LDAH: variants seen among roughly 807,000 people sequenced by gnomAD.
LDAH encodes the protein lipid droplet-associated hydrolase.
Under a neutral mutation model 29.6 loss-of-function variants are expected in LDAH, and 26 were observed. That is an observed-to-expected ratio of 0.88 (90% CI 0.64 to 1.22). The LOEUF (loss-of-function observed/expected upper bound fraction) is 1.22. LDAH is among the 50% of genes most tolerant of loss of function. LDAH has a pLI of 0.00. For synonymous variants in LDAH, 117 were observed against 133.0 expected (o/e 0.88, Z 0.83); for missense variants, 344 against 387.3 (o/e 0.89, Z 0.94).
intron 2 of LDAH, among the ~76,000 whole-genome samples, chr2:20,796,472 A>G (rs142254238): frequency 6.6e-6 from 1 of 152,248 alleles, no homozygotes; most frequent in East Asian, 1.9e-4. Flanking sequence ...TTTCTCTGAA[A>G]GCCTTGACCC....
chr2:20,685,783 C>A lies in LDAH; in HGVS notation c.*1120G>T. On this transcript the variant is annotated 3_prime_UTR_variant, in exon 7 of 7. Coordinates refer to ENST00000237822, the MANE Select transcript of LDAH (RefSeq NM_021925.4). ...CCACTCTAGGCCAGGGAATATGTGTCTTCTCTGCCATACCTCAATGTGTCT... is the reference window on the plus strand; with the variant it reads ...CCACTCTAGGCCAGGGAATATGTGTATTCTCTGCCATACCTCAATGTGTCT... The A allele has an allele frequency of 1.7e-6, 2 of 1,152,660 alleles. No homozygotes were observed. The highest frequency in any genetic ancestry group is 2.4e-6 in the Non-Finnish European group (2 of 840,120). 71.4% of individuals were successfully genotyped at this position (1,152,660 alleles called of 1,614,324 possible). A position where few individuals can be genotyped will look rare whatever the true frequency, so the allele number is the denominator to read the frequency against.
At chr2:20,697,923 C>T (rs1421023236) in intron 6 of LDAH, among the ~76,000 whole-genome samples, 2 of 152,134 alleles carry the variant, frequency 1.3e-5, no homozygotes, top group Non-Finnish European at 2.9e-5. Context: ...ATCACACTAA[C>T]TTGCTCAAGG....
chr2:20,683,834 T>C (rs550235597), downstream of LDAH, among the ~76,000 whole-genome samples: 126 of 149,994 alleles, frequency 8.4e-4, 1 homozygote, highest in African/African-American at 2.7e-3. Context: ...AAATGCTATA[T>C]GCATGACCTC....
At position 20,684,926 on chromosome 2, in the gene LDAH, A is replaced by T. The variant is rs774251122; in HGVS notation, c.*1977T>A. 39 of 1,549,952 alleles carry T rather than the reference A, an allele frequency of 2.5e-5. No homozygotes were observed. The South Asian group carries it at 4.4e-4, about 18-fold the overall frequency. On this transcript the variant is annotated 3_prime_UTR_variant, in exon 7 of 7. Transcript: ENST00000237822. ...CTCTTGAAATCTGATTCTTCCACCT[A>T]TGAAAAAAGCAATGAGAAAGGTGGC...
At chr2:20,759,227 T>C (rs968298672) in intron 4 of LDAH, among the ~76,000 whole-genome samples, 1 of 152,190 alleles carries the variant, frequency 6.6e-6, no homozygotes, top group South Asian at 2.1e-4. Flanking sequence ...GGTCTCTATA[T>C]GACTGACCCT....
chr2:20,787,494 A>G (rs1238450296), intron 3 of LDAH, among the ~76,000 whole-genome samples: 1 of 152,118 alleles, frequency 6.6e-6, no homozygotes, highest in African/African-American at 2.4e-5. Context: ...CAGTTTTGCC[A>G]TGTTGGCCAA....
intron 4 of LDAH, among the ~76,000 whole-genome samples, chr2:20,741,438 G>A (rs369814174): frequency 6.6e-6 from 1 of 152,080 alleles, no homozygotes; most frequent in Admixed American, 6.6e-5. Flanking sequence ...TGGTTTTTGT[G>A]GTAAGTATAA....
rs185669503 is a variant in LDAH, at chr2:20,742,183, C to T, written c.469-1978G>A. On this transcript the variant is annotated intron_variant, in intron 4 of 6. Coordinates refer to ENST00000237822, the MANE Select transcript of LDAH (RefSeq NM_021925.4). ...GAGCAGGCATTATATAATTTCTATT[C>T]TAAATTTGTTAAGGTGTGCTTTATG... Among the ~76,000 whole-genome samples the T allele has an allele frequency of 3.8e-4, 58 of 152,226 alleles. No individual in the cohort carries two copies. In the East Asian group the frequency reaches 0.01, roughly 27 times the overall value.
intron 1 of LDAH, among the ~76,000 whole-genome samples, chr2:20,814,277 G>C (rs959981325): frequency 1.3e-4 from 19 of 151,292 alleles, no homozygotes; most frequent in Non-Finnish European, 2.4e-4. Flanking sequence ...GTAGGGATAG[G>C]AATCAAACTG....
rs1662399301 is a variant in LDAH at position 20,684,230 on chromosome 2, A to T, written c.*2673T>A. 6.6e-6 allele frequency: 1 copy of T among 152,190 alleles called. No individual in the cohort carries two copies. Among genetic ancestry groups the T allele is most frequent in the Non-Finnish European group, 1.5e-5 (1 of 68,040 alleles). The allele number at this position is 152,190 out of a possible 1,614,324, so 9.4% of individuals were successfully genotyped here. On this transcript the variant is annotated 3_prime_UTR_variant, in exon 7 of 7. Coordinates refer to ENST00000237822, the MANE Select transcript of LDAH (RefSeq NM_021925.4). The stretch of plus-strand genomic sequence containing the variant: ...TCTTCCCAGTACAACCACTGAAATC[A>T]GAAAATTAACAGTGGCATCTTACTC...
chr2:20,805,100 A>C (rs1287827881), intron 1 of LDAH, among the ~76,000 whole-genome samples: 1 of 152,196 alleles, frequency 6.6e-6, no homozygotes, highest in African/African-American at 2.4e-5. Context: ...TATTAACTAT[A>C]AAGTTGTTAA....
intron 5 of LDAH, among the ~76,000 whole-genome samples, chr2:20,723,906 C>G (rs1665839001): frequency 6.6e-6 from 1 of 152,132 alleles, no homozygotes; most frequent in Non-Finnish European, 1.5e-5. Context: ...TTTACTTTTG[C>G]TCCATTAAAC....
intron 5 of LDAH, among the ~76,000 whole-genome samples, chr2:20,704,897 TC>T (rs957089412): frequency 1.3e-5 from 2 of 152,138 alleles, no homozygotes; most frequent in African/African-American, 4.8e-5. Context: ...ATTCTGTCCC[TC>T]CCCCCACAGA....
chr2:20,735,371 A>G (rs1666702501), intron 5 of LDAH, among the ~76,000 whole-genome samples: 1 of 151,178 alleles, frequency 6.6e-6, no homozygotes, highest in African/African-American at 2.4e-5. Context: ...ATATTCACTG[A>G]TTCTTTCCTC....
intron 5 of LDAH, among the ~76,000 whole-genome samples, chr2:20,721,112 C>T (rs57130677): frequency 0.012 from 1,854 of 151,756 alleles, 40 homozygotes; most frequent in African/African-American, 0.042. Context: ...GCAACAAAAG[C>T]GAAAAATAGA....
At chr2:20,706,045 A>T (rs2149362234) in intron 5 of LDAH, among the ~76,000 whole-genome samples, 1 of 152,324 alleles carries the variant, frequency 6.6e-6, no homozygotes, top group East Asian at 1.9e-4. Context: ...TGAAATTTCA[A>T]TTTTATTTAA....
chr2:20,798,548 T>G (rs1188865199), intron 2 of LDAH, among the ~76,000 whole-genome samples: 1 of 149,192 alleles, frequency 6.7e-6, no homozygotes, highest in Non-Finnish European at 1.5e-5. Context: ...CCTATAGGCT[T>G]AGCTATGTAT....
intron 5 of LDAH, among the ~76,000 whole-genome samples, chr2:20,714,373 T>C (rs1278157438): frequency 2.6e-5 from 4 of 152,268 alleles, no homozygotes; most frequent in East Asian, 3.9e-4. Flanking sequence ...CTGGGACACA[T>C]TTAAAGCAGT....
chr2:20,806,988 C>A (rs1371888748), intron 1 of LDAH, among the ~76,000 whole-genome samples: 1 of 151,290 alleles, frequency 6.6e-6, no homozygotes, highest in Non-Finnish European at 1.5e-5. Flanking sequence ...ATTAGCAAAC[C>A]CAAAAGTTTT....
Sources: allele counts gnomAD v4.1 joint callset (sites outside exome capture counted in the v4.1 genomes callset), GRCh38; gene constraint gnomAD v4.1.1; transcripts MANE v1.5; gene names NCBI Gene and HGNC (gene_info 2026-07-23, HGNC 2026-07-21).